Variants in B3GALNT2 observed in about 807,000 individuals in gnomAD.
The protein encoded by B3GALNT2 is beta-1,3-N-acetylgalactosaminyltransferase 2.
B3GALNT2 carries 53 observed loss-of-function variants against 61.1 expected under a neutral mutation model. The ratio of observed to expected loss-of-function variants is 0.87; its 90% CI spans 0.70 to 1.09. The LOEUF (loss-of-function observed/expected upper bound fraction) is 1.09, where lower values mean the gene tolerates loss of function less well. Ranked by LOEUF, B3GALNT2 falls within the 50% of genes least tolerant of loss-of-function variation. The pLI, the probability that B3GALNT2 is intolerant of heterozygous loss-of-function variation, is 0.00. For missense variants in B3GALNT2, 544 were observed against 623.0 expected (o/e 0.87, Z 1.35); for synonymous variants, 223 against 237.4 (o/e 0.94, Z 0.56).
In B3GALNT2 at chr1:235,448,121, A is replaced by G. The variant is rs1159278477; in HGVS notation, c.*2085T>C. 4.0e-5 allele frequency among the ~76,000 whole-genome samples: 6 copies of G among 150,338 alleles called. No homozygotes were observed. The highest frequency in any genetic ancestry group is 7.4e-5 in the Non-Finnish European group (5 of 67,792). On this transcript the variant is annotated 3_prime_UTR_variant, in exon 12 of 12. Coordinates refer to ENST00000366600, the MANE Select transcript of B3GALNT2 (RefSeq NM_152490.5). ...AGGCTGAGGCAGGAGAATTGTTTGA[A>G]CCCGGGAAGCGGAGGTTGCAGTGAG... is the stretch of plus-strand genomic sequence containing the variant.
At chr1:235,475,926 A>G (rs1428490752) in intron 5 of B3GALNT2, among the ~76,000 whole-genome samples, 9 of 152,094 alleles carry the variant, frequency 5.9e-5, no homozygotes, top group Admixed American at 5.9e-4. Context: ...CATGGGCTCA[A>G]TGATCTGCCC....
chr1:235,489,022 C>T (rs1488233472), intron 3 of B3GALNT2, 146 bp downstream of exon 3: 1 of 1,116,314 alleles, frequency 9.0e-7, no homozygotes, highest in Admixed American at 3.0e-5. Flanking sequence ...TGCACGCCAG[C>T]CTAGGCGACA....
intron 6 of B3GALNT2, among the ~76,000 whole-genome samples, chr1:235,466,365 G>A (rs1004029598): frequency 4.0e-5 from 6 of 150,392 alleles, no homozygotes; most frequent in African/African-American, 1.5e-4. Flanking sequence ...CACCACACCC[G>A]GCCTAATTTC....
chr1:235,488,734 A>T (rs571841020), intron 3 of B3GALNT2, among the ~76,000 whole-genome samples: 149 of 134,774 alleles, frequency 1.1e-3, no homozygotes, highest in African/African-American at 4.0e-3. Context: ...TGAGACATAA[A>T]TTTGGATGAA....
chr1:235,448,553 T>C lies in B3GALNT2; in HGVS notation c.*1653A>G. On this transcript the variant is annotated 3_prime_UTR_variant, in exon 12 of 12. Transcript: ENST00000366600. The stretch of plus-strand genomic sequence containing the variant: ...TTCTAAATGGAGACCATGGGTCTGT[T>C]TGTTTGATTTTAAGGGTAAGCTACT... 5.1e-6 allele frequency: 7 copies of C among 1,361,998 alleles called. No individual in the cohort carries two copies. Among genetic ancestry groups the C allele is most frequent in the Middle Eastern group, 1.9e-4 (1 of 5,330 alleles). The allele number at this position is 1,361,998 out of a possible 1,614,324, so 84.4% of individuals were successfully genotyped here. A position where few individuals can be genotyped will look rare whatever the true frequency, so the allele number is the denominator to read the frequency against.
chr1:235,471,505 C>T (rs1348011347), intron 5 of B3GALNT2, among the ~76,000 whole-genome samples: 1 of 152,144 alleles, frequency 6.6e-6, no homozygotes, highest in Non-Finnish European at 1.5e-5. Flanking sequence ...GTATACACCG[C>T]CAACTGCTTT....
At chr1:235,463,197 A>G (rs530062730) in intron 7 of B3GALNT2, among the ~76,000 whole-genome samples, 2 of 152,260 alleles carry the variant, frequency 1.3e-5, no homozygotes, top group African/African-American at 4.8e-5. Flanking sequence ...AAGGCATAAG[A>G]ATGATACAAT....
At chr1:235,473,615 A>G (rs1259137922) in intron 5 of B3GALNT2, among the ~76,000 whole-genome samples, 1 of 152,246 alleles carries the variant, frequency 6.6e-6, no homozygotes, top group Non-Finnish European at 1.5e-5. Context: ...TGGAGTTCAC[A>G]AGAGATGCTG....
chr1:235,462,151 ATAATT>A (rs1435769599), intron 7 of B3GALNT2, among the ~76,000 whole-genome samples: 2 of 152,274 alleles, frequency 1.3e-5, no homozygotes, highest in Non-Finnish European at 2.9e-5. Context: ...GAGCATCTGT[ATAATT>A]TAACACTTGA....
chr1:235,457,307 C>G (rs552685051), intron 8 of B3GALNT2, among the ~76,000 whole-genome samples: 1 of 151,836 alleles, frequency 6.6e-6, no homozygotes. Flanking sequence ...CACCAAGGAA[C>G]AGAAGAAGGT....
chr1:235,475,060 A>G (rs1684209051), intron 5 of B3GALNT2, among the ~76,000 whole-genome samples: 3 of 124,252 alleles, frequency 2.4e-5, no homozygotes, highest in South Asian at 5.7e-4. Context: ...GTGCAGTGGT[A>G]TGATCTTGGC....
intron 4 of B3GALNT2, among the ~76,000 whole-genome samples, chr1:235,482,736 C>T (rs1026390108): frequency 1.3e-5 from 2 of 151,926 alleles, no homozygotes; most frequent in African/African-American, 2.4e-5. Flanking sequence ...CTGAGATGGG[C>T]GGATAGCTTG....
Position 235,471,032 on chromosome 1 carries a change from C to A in B3GALNT2, c.652-72G>T, listed in dbSNP as rs1164863571. On this transcript the variant is annotated intron_variant, in intron 5 of 11. Coordinates refer to ENST00000366600, the MANE Select transcript of B3GALNT2 (RefSeq NM_152490.5). ...TTTAGGTTTTAAGTATGCTTTCAGG[C>A]AAGATTTTTAGAGAAAATTTTTCCC... 17 of 1,561,200 alleles carry A rather than the reference C, an allele frequency of 1.1e-5. No individual in the cohort carries two copies. In the East Asian group the frequency reaches 3.2e-4, roughly 29 times the overall value.
intron 11 of B3GALNT2, chr1:235,451,713 C>T (rs947844598): frequency 6.6e-6 from 1 of 152,224 alleles, no homozygotes; most frequent in African/African-American, 2.4e-5. Context: ...GGGACCCCAG[C>T]TCTATGCAGG....
chr1:235,471,158 C>T (rs1020049620), intron 5 of B3GALNT2, among the ~76,000 whole-genome samples, 198 bp from the exon 6 acceptor site: 1 of 152,070 alleles, frequency 6.6e-6, no homozygotes, highest in African/African-American at 2.4e-5. Context: ...TATAAAAAAC[C>T]AATTACAAAG....
In B3GALNT2 at chr1:235,449,030, TTTAAATA is replaced by T; in HGVS notation, c.*1169_*1175del. Reference sequence around the variant, plus strand: ...CTCATCACTGCATTTCATGATAAGATTTAAATATTAAATAGAAAGAAACTAGCTAGCC... The same window carrying T: ...CTCATCACTGCATTTCATGATAAGATTTAAATAGAAAGAAACTAGCTAGCC... On this transcript the variant is annotated 3_prime_UTR_variant, in exon 12 of 12. Coordinates refer to ENST00000366600, the MANE Select transcript of B3GALNT2 (RefSeq NM_152490.5). 2.7e-6 allele frequency: 1 copy of T among 365,884 alleles called. No homozygotes were observed. The highest frequency in any genetic ancestry group is 4.1e-5 in the Admixed American group (1 of 24,650). 22.7% of individuals were successfully genotyped at this position (365,884 alleles called of 1,614,324 possible). A position where few individuals can be genotyped will look rare whatever the true frequency, so the allele number is the denominator to read the frequency against.
chr1:235,501,282 T>C (rs940312658), intron 1 of B3GALNT2, among the ~76,000 whole-genome samples: 3 of 152,212 alleles, frequency 2.0e-5, no homozygotes, highest in African/African-American at 7.2e-5. Flanking sequence ...TCACTTCCTC[T>C]TTACCAGTTG....
At chr1:235,445,736 C>CT (rs1211941179), downstream of B3GALNT2, among the ~76,000 whole-genome samples, 1 of 152,240 alleles carries the variant, frequency 6.6e-6, no homozygotes, top group East Asian at 1.9e-4. Flanking sequence ...GCAGTATACC[C>CT]TTTTTTAAAG....
chr1:235,494,913 A>T, intron 1 of B3GALNT2, 85 bp from the exon 2 acceptor site: 1 of 1,274,592 alleles, frequency 7.8e-7, no homozygotes, highest in Non-Finnish European at 1.1e-6. Context: ...ATTACAAAAT[A>T]AGCTTATGTT....
Sources: allele counts gnomAD v4.1 joint callset (sites outside exome capture counted in the v4.1 genomes callset), GRCh38; gene constraint gnomAD v4.1.1; transcripts MANE v1.5; gene names NCBI Gene and HGNC (gene_info 2026-07-23, HGNC 2026-07-21).